The following DOCK7 variants were observed in gnomAD, a reference collection of about 807,000 sequenced individuals.
The protein encoded by DOCK7 is dedicator of cytokinesis 7.
DOCK7 carries 138 observed loss-of-function variants against 271.0 expected under a neutral mutation model. The ratio of observed to expected loss-of-function variants is 0.51; its 90% CI spans 0.44 to 0.59. The LOEUF (loss-of-function observed/expected upper bound fraction) is 0.59, where lower values mean the gene tolerates loss of function less well. DOCK7 is among the 20% of genes least tolerant of loss of function. DOCK7 has a pLI of 0.00. For synonymous variants in DOCK7, 823 were observed against 876.1 expected, an observed-to-expected ratio of 0.94 and a Z score of 1.07; for missense variants, 2,066 against 2,592.4, an observed-to-expected ratio of 0.80 and a Z score of 4.41.
At chr1:62,559,504 C>T (rs1164516616) in intron 19 of DOCK7, among the ~76,000 whole-genome samples, 1 of 151,728 alleles carries the variant, frequency 6.6e-6, no homozygotes, top group East Asian at 1.9e-4. Flanking sequence ...TTGTGGCAGG[C>T]ATATTAGTAA....
intron 31 of DOCK7, 37 bp downstream of exon 31, chr1:62,528,114 T>C (rs772891187): frequency 1.3e-5 from 21 of 1,578,166 alleles, no homozygotes; most frequent in Non-Finnish European, 1.6e-5. Context: ...TATTTGTCTT[T>C]CTAGAAAAAA....
intron 18 of DOCK7, among the ~76,000 whole-genome samples, chr1:62,568,605 T>TAA (rs549578355): frequency 1.3e-3 from 62 of 46,184 alleles, no homozygotes; most frequent in African/African-American, 3.6e-3. Flanking sequence ...GTGCCCTGCC[T>TAA]AAAAAAAAAA....
At chr1:62,511,887 A>C (rs1168044) in intron 33 of DOCK7, among the ~76,000 whole-genome samples, 87,899 of 151,810 alleles carry the variant, frequency 0.58, 27,239 homozygotes, top group East Asian at 0.76. Flanking sequence ...GTTAAGAAAA[A>C]GAAAACAATG....
At chr1:62,514,876 C>T (rs1003138729) in intron 31 of DOCK7, among the ~76,000 whole-genome samples, 1 of 152,122 alleles carries the variant, frequency 6.6e-6, no homozygotes, top group South Asian at 2.1e-4. Context: ...AAAGCCCATA[C>T]TCTTCACTAT....
intron 38 of DOCK7, 91 bp downstream of exon 38, chr1:62,496,248 C>A: frequency 6.8e-7 from 1 of 1,476,766 alleles, no homozygotes; most frequent in Non-Finnish European, 9.3e-7. Flanking sequence ...AATGATCCTC[C>A]AGCAAAAATC....
intron 14 of DOCK7, among the ~76,000 whole-genome samples, chr1:62,617,292 C>A (rs1422691866): frequency 6.6e-6 from 1 of 151,906 alleles, no homozygotes; most frequent in Admixed American, 6.6e-5. Context: ...GGAGCCAACT[C>A]ATGCAGTGTC....
At chr1:62,532,878 T>C (rs1449908937) in intron 29 of DOCK7, among the ~76,000 whole-genome samples, 1 of 151,742 alleles carries the variant, frequency 6.6e-6, no homozygotes, top group African/African-American at 2.4e-5. Context: ...AGGAAGAGAG[T>C]GGCAGGAGTA....
rs368086303 is a variant in DOCK7, at chr1:62,653,964, A to G, written c.320+20T>C. 3.9e-5 allele frequency: 62 copies of G among 1,604,152 alleles called. No individual in the cohort carries two copies. In the African/African-American group the frequency reaches 5.6e-4, roughly 15 times the overall value. ...TTCTATAGTTCCTCTAAAGCCAAAA[A>G]TAAGTCAATGTCTCCTTACCTTTCT... On this transcript the variant is annotated intron_variant, in intron 3 of 49. Coordinates refer to ENST00000635253, the MANE Select transcript of DOCK7 (RefSeq NM_001367561.1).
Position 62,597,151 on chromosome 1 carries a change from T to C in DOCK7, c.1683-10527A>G, listed in dbSNP as rs149558895. ...AAGAACTAAAGTACAGTTTGAGAAATGCATACTTAATTCATTACTTTTTTC... is the reference window on the plus strand; with the variant it reads ...AAGAACTAAAGTACAGTTTGAGAAACGCATACTTAATTCATTACTTTTTTC... On this transcript the variant is annotated intron_variant, in intron 14 of 49. Coordinates refer to ENST00000635253, the MANE Select transcript of DOCK7 (RefSeq NM_001367561.1). Among the ~76,000 whole-genome samples the C allele has an allele frequency of 1.5e-3, 232 of 152,266 alleles. 2 individuals are homozygous for C. Among genetic ancestry groups the C allele is most frequent in the African/African-American group, 4.8e-3 (201 of 41,556 alleles).
chr1:62,530,084 T>G (rs1167363480), intron 29 of DOCK7, among the ~76,000 whole-genome samples: 1 of 152,202 alleles, frequency 6.6e-6, no homozygotes, highest in Non-Finnish European at 1.5e-5. Context: ...GACAGCACTT[T>G]AACTATGCAA....
intron 7 of DOCK7, among the ~76,000 whole-genome samples, chr1:62,637,705 T>C (rs775477337): frequency 6.6e-6 from 1 of 152,186 alleles, no homozygotes; most frequent in Non-Finnish European, 1.5e-5. Context: ...TTACAAGGAT[T>C]TGGACAGGAT....
Position 62,504,747 on chromosome 1 carries a change from C to T in DOCK7, c.4647G>A (p.Gln1549=), listed in dbSNP as rs2149321033. ...GAAGCCTGAGGCATAAATCAGCACA[C>T]TGCTCTGTCTCTTCTTCAAATAAGA... ...PELLFEEETE[Q]CADLCLRLLR... The change falls in exon 37 of 50, where the codon CAG becomes CAA. Residue 1549 remains glutamine, a synonymous_variant. Coordinates refer to ENST00000635253, the MANE Select transcript of DOCK7 (RefSeq NM_001367561.1). 1.2e-6 allele frequency: 2 copies of T among 1,614,068 alleles called. No homozygotes were observed. Among genetic ancestry groups the T allele is most frequent in the Non-Finnish European group, 1.7e-6 (2 of 1,180,004 alleles).
At chr1:62,647,420 G>C (rs957829682) in intron 7 of DOCK7, among the ~76,000 whole-genome samples, 2 of 152,142 alleles carry the variant, frequency 1.3e-5, no homozygotes, top group Non-Finnish European at 2.9e-5. Flanking sequence ...TTTGAATGCT[G>C]AATAGCACTT....
At chr1:62,603,013 G>A (rs922467272) in intron 14 of DOCK7, among the ~76,000 whole-genome samples, 2 of 151,612 alleles carry the variant, frequency 1.3e-5, no homozygotes, top group Admixed American at 6.6e-5. Context: ...TAAAGTAGAA[G>A]ACATTCATTA....
In DOCK7 at chr1:62,528,965, T is replaced by A. The variant is rs796267439; in HGVS notation, c.3781+312A>T. On this transcript the variant is annotated intron_variant, in intron 30 of 49. Coordinates refer to ENST00000635253, the MANE Select transcript of DOCK7 (RefSeq NM_001367561.1). ...CAAGTCAAAACTGAGGTGGTAAACA[T>A]CTGTCAAGTTTTCTTGTATTTTTTC... Among the ~76,000 whole-genome samples, 29 of 152,294 alleles carry A rather than the reference T, an allele frequency of 1.9e-4. 2 individuals carry two copies. Among genetic ancestry groups the A allele is most frequent in the African/African-American group, 6.5e-4 (27 of 41,582 alleles).
At chr1:62,530,190 C>G (rs1645132559) in intron 29 of DOCK7, among the ~76,000 whole-genome samples, 1 of 152,202 alleles carries the variant, frequency 6.6e-6, no homozygotes, top group Non-Finnish European at 1.5e-5. Flanking sequence ...CTCCTTAAGC[C>G]TTTTACTGTC....
At chr1:62,659,355 G>A (rs137907065) in intron 2 of DOCK7, among the ~76,000 whole-genome samples, 138 of 152,118 alleles carry the variant, frequency 9.1e-4, no homozygotes, top group African/African-American at 3.0e-3. Context: ...GATAAGTCAT[G>A]GATATAACAC....
intron 14 of DOCK7, chr1:62,608,693 T>C (rs1164662834): frequency 6.6e-6 from 1 of 152,200 alleles, no homozygotes; most frequent in African/African-American, 2.4e-5. Flanking sequence ...GAGTTTATTT[T>C]GAACCAGTAT....
At chr1:62,596,623 A>C (rs1649290248) in intron 14 of DOCK7, among the ~76,000 whole-genome samples, 1 of 152,168 alleles carries the variant, frequency 6.6e-6, no homozygotes. Context: ...AGCATGGGCA[A>C]TACATTAAGA....
Sources: gnomAD v4.1 joint callset for allele counts (sites outside exome capture counted in the v4.1 genomes callset) on GRCh38, gnomAD v4.1.1 for gene constraint, MANE v1.5 for transcripts, NCBI Gene and HGNC (gene_info 2026-07-23, HGNC 2026-07-21) for gene names.